Variants in SPACA6 observed in about 807,000 individuals in gnomAD.
The protein encoded by SPACA6 is sperm acrosome membrane-associated protein 6.
For missense variants in SPACA6, 8 were observed against 2.8 expected (o/e 2.88, Z -1.34); for synonymous variants, 6 against 1.5 (o/e 4.05, Z -2.21).
chr19:51,693,761 T>TC (rs1568615417), intron 1 of SPACA6, 21 bp downstream of exon 1: 2 of 405,958 alleles, frequency 4.9e-6, no homozygotes. Context: ...CATCCACACT[T>TC]CATCAGTGTC....
chr19:51,710,688 G>A (rs1243150952), intron 2 of SPACA6, among the ~76,000 whole-genome samples: 1 of 152,188 alleles, frequency 6.6e-6, no homozygotes, highest in African/African-American at 2.4e-5. Context: ...CATAACACTG[G>A]AGGCACAAGG....
At chr19:51,712,736 A>G (rs1046063257), downstream of SPACA6, among the ~76,000 whole-genome samples, 5 of 152,068 alleles carry the variant, frequency 3.3e-5, no homozygotes, top group African/African-American at 9.7e-5. Flanking sequence ...TTTCTTTTTT[A>G]ACCCCTATTT....
At chr19:51,706,377 C>A (rs560764246), downstream of SPACA6, among the ~76,000 whole-genome samples, 1 of 152,118 alleles carries the variant, frequency 6.6e-6, no homozygotes, top group Non-Finnish European at 1.5e-5. Flanking sequence ...CAAGTCTGCG[C>A]GGCTGGCACT....
At chr19:51,691,459 AAG>A (rs2083372138), upstream of SPACA6, among the ~76,000 whole-genome samples, 1 of 143,880 alleles carries the variant, frequency 7.0e-6, no homozygotes, top group South Asian at 2.5e-4. Context: ...GAGAGAGACA[AAG>A]AGGGGGAAGG....
In SPACA6 at chr19:51,703,846, T is replaced by A. The variant is rs2083490067; in HGVS notation, c.574-184T>A. ...AAAAGCAGTTTCTAGGGGTAGGTTA[T>A]GCGTAAGGGTTTAAGGAGTGAGGGG... On this transcript the variant is annotated intron_variant, in intron 6 of 8. Coordinates refer to ENST00000637797, the MANE Select transcript of SPACA6 (RefSeq NM_001316972.2). This position sits in a 1 kb window ranked among gnomAD's most constrained non-coding sequence, Gnocchi z 4.2. Among the ~76,000 whole-genome samples, 1 of 149,446 alleles carries A rather than the reference T, an allele frequency of 6.7e-6. No individual in the cohort carries two copies. The highest frequency in any genetic ancestry group is 1.5e-5 in the Non-Finnish European group (1 of 67,540).
rs1429795293 is a variant in SPACA6 at position 51,693,610 on chromosome 19, CCT to C, written c.87_88del (p.Cys30LeufsTer6). On this transcript the variant is annotated frameshift_variant, in exon 1 of 9. Coordinates refer to ENST00000637797, the MANE Select transcript of SPACA6 (RefSeq NM_001316972.2). LOFTEE classifies it high-confidence loss of function. The stretch of plus-strand genomic sequence containing the variant: ...TCAGGGTGCCCGCCTGGGCCTGTCT[CCT>C]CTGCTTCACAACCTACTCTGAGCGC... The part of the protein sequence containing the change: ...VFRVPAWACL[L>X]CFTTYSERLR... 1 of 430,060 alleles carries C rather than the reference CCT, an allele frequency of 2.3e-6. No individual in the cohort carries two copies. Among genetic ancestry groups the C allele is most frequent in the African/African-American group, 2.0e-5 (1 of 50,426 alleles). The allele number at this position is 430,060 out of a possible 1,614,324, so 26.6% of individuals were successfully genotyped here. A position where few individuals can be genotyped will look rare whatever the true frequency, so the allele number is the denominator to read the frequency against.
chr19:51,702,490 C>T (rs1374264573), intron 3 of SPACA6, 139 bp from the exon 4 acceptor site: 2 of 393,306 alleles, frequency 5.1e-6, no homozygotes, highest in East Asian at 3.6e-5. Flanking sequence ...CCGGCTTGAC[C>T]CCGCCCCCAG....
At chr19:51,693,859 C>G (rs2083399415) in intron 1 of SPACA6, 119 bp downstream of exon 1, 2 of 399,902 alleles carry the variant, frequency 5.0e-6, no homozygotes, top group Non-Finnish European at 4.4e-6. Context: ...GAGAAAGGCT[C>G]AAAGACCATG....
At chr19:51,696,226 G>A (rs747716220) in intron 2 of SPACA6, among the ~76,000 whole-genome samples, 11 of 152,236 alleles carry the variant, frequency 7.2e-5, no homozygotes, top group South Asian at 2.1e-4. Flanking sequence ...TCTGGAGGCC[G>A]GGAGAAGCTG....
At chr19:51,706,341 T>A (rs1025413017), downstream of SPACA6, among the ~76,000 whole-genome samples, 2 of 152,114 alleles carry the variant, frequency 1.3e-5, no homozygotes, top group African/African-American at 4.8e-5. Context: ...AGCCATTACA[T>A]CTATTAACCC....
At chr19:51,704,849 C>T (rs1402287535) in intron 8 of SPACA6, 2 of 340,082 alleles carry the variant, frequency 5.9e-6, no homozygotes, top group Admixed American at 5.0e-5. Context: ...AGCCCCCGGA[C>T]CCCCTCCTCC....
chr19:51,705,988 GC>G (rs2083514179), downstream of SPACA6, among the ~76,000 whole-genome samples: 4 of 152,238 alleles, frequency 2.6e-5, no homozygotes, highest in African/African-American at 9.6e-5. Context: ...GAGCCACCAA[GC>G]CCGGCCAAGG....
In SPACA6 at chr19:51,700,796, G is replaced by A. The variant is rs938513342; in HGVS notation, c.293-862G>A. Among the ~76,000 whole-genome samples, 5 of 152,186 alleles carry A rather than the reference G, an allele frequency of 3.3e-5. 1 individual carries two copies. Among genetic ancestry groups the A allele is most frequent in the South Asian group, 4.1e-4 (2 of 4,832 alleles). On this transcript the variant is annotated intron_variant, in intron 2 of 8. Coordinates refer to ENST00000637797, the MANE Select transcript of SPACA6 (RefSeq NM_001316972.2). ...GAGCTAGGAATGAAATGATTGCGAT[G>A]AGAGACAAAAACAGGGAACTTGGTT...
rs114117058 is a variant in SPACA6, at chr19:51,695,667, C to T, written c.292+1112C>T. Among the ~76,000 whole-genome samples the T allele has an allele frequency of 7.1e-3, 1,088 of 152,318 alleles. 7 individuals are homozygous for T. Among genetic ancestry groups the T allele is most frequent in the African/African-American group, 0.022 (931 of 41,576 alleles). The stretch of plus-strand genomic sequence containing the variant: ...CAGGATTCCAAGAAATGCCCTTTCT[C>T]CCCACATAGGCTGCCTTGTTACAGA... On this transcript the variant is annotated intron_variant, in intron 2 of 8. Transcript: ENST00000637797.
chr19:51,698,537 C>T (rs1302096598), intron 2 of SPACA6, among the ~76,000 whole-genome samples: 1 of 152,130 alleles, frequency 6.6e-6, no homozygotes, highest in East Asian at 1.9e-4. Flanking sequence ...CATTTGTGCA[C>T]CCCAGTCTGA....
At chr19:51,696,242 A>G (rs2083430133) in intron 2 of SPACA6, among the ~76,000 whole-genome samples, 1 of 152,120 alleles carries the variant, frequency 6.6e-6, no homozygotes, top group Non-Finnish European at 1.5e-5. Context: ...AGCTGGTGCA[A>G]TACGTTCAAT....
chr19:51,699,179 T>A (rs1332156693), intron 2 of SPACA6, among the ~76,000 whole-genome samples: 1 of 152,150 alleles, frequency 6.6e-6, no homozygotes, highest in Non-Finnish European at 1.5e-5. Context: ...GGCTAATTTA[T>A]AAAAATTTGT....
intron 3 of SPACA6, 98 bp from the exon 4 acceptor site, chr19:51,702,531 G>C: frequency 2.5e-6 from 1 of 398,222 alleles, no homozygotes; most frequent in Middle Eastern, 6.3e-4. Context: ...CCGCCCCCTC[G>C]GAGCAATGCT....
intron 3 of SPACA6, chr19:51,702,404 G>T (rs1461576338): frequency 2.6e-6 from 1 of 381,772 alleles, no homozygotes; most frequent in Admixed American, 4.5e-5. Context: ...ACCCCAAGTA[G>T]AAGGCTGGCA....
Sources: allele counts gnomAD v4.1 joint callset (sites outside exome capture counted in the v4.1 genomes callset), GRCh38; gene constraint gnomAD v4.1.1; non-coding constraint Gnocchi (gnomAD v3.1); transcripts MANE v1.5; gene names NCBI Gene and HGNC (gene_info 2026-07-23, HGNC 2026-07-21).